The following EEFSEC variants were observed in gnomAD, a reference collection of about 807,000 sequenced individuals.
EEFSEC encodes the protein eukaryotic elongation factor, selenocysteine-tRNA specific, also known as selenocysteine-specific elongation factor.
In EEFSEC, 43 loss-of-function variants were observed where a neutral mutation model predicts 42.1. That is an observed-to-expected ratio of 1.02 (90% confidence interval 0.80 to 1.32). The LOEUF (loss-of-function observed/expected upper bound fraction) is 1.32. Ranked by LOEUF, EEFSEC falls within the 40% of genes most tolerant of loss-of-function variation. EEFSEC has a pLI of 0.00. For synonymous variants in EEFSEC, 354 were observed against 339.1 expected, an observed-to-expected ratio of 1.04 and a Z score of -0.48; for missense variants, 745 against 803.6, an observed-to-expected ratio of 0.93 and a Z score of 0.88.
intron 1 of EEFSEC, among the ~76,000 whole-genome samples, chr3:128,162,770 G>A (rs2955117): frequency 0.31 from 46,473 of 152,000 alleles, 7,333 homozygotes; most frequent in South Asian, 0.37. Flanking sequence ...TTTTGTAGTC[G>A]TGCTAGGAAT....
Position 128,309,437 on chromosome 3 carries a change from A to C in EEFSEC, c.787-31796A>C, listed in dbSNP as rs533473471. 2.1e-4 allele frequency among the ~76,000 whole-genome samples: 32 copies of C among 152,246 alleles called. 1 individual carries two copies. The highest frequency in any genetic ancestry group is 7.5e-4 in the African/African-American group (31 of 41,558). ...AGCGCACAGAGGCTAGAGAGAAGAG[A>C]GAGGCCCCTGCTGCTGTCTGCTGAA... On this transcript the variant is annotated intron_variant, in intron 4 of 6. Transcript: ENST00000254730.
intron 6 of EEFSEC, among the ~76,000 whole-genome samples, chr3:128,394,143 G>A (rs1331739434): frequency 6.6e-6 from 1 of 152,200 alleles, no homozygotes; most frequent in Non-Finnish European, 1.5e-5. Flanking sequence ...ACAGACACAG[G>A]GTGCCAGGCC....
chr3:128,247,289 G>T (rs1433024510), intron 2 of EEFSEC, among the ~76,000 whole-genome samples: 2 of 152,242 alleles, frequency 1.3e-5, no homozygotes, highest in African/African-American at 2.4e-5. Context: ...AAGCCCTTCT[G>T]TGTCTCAGCT....
intron 1 of EEFSEC, among the ~76,000 whole-genome samples, chr3:128,245,214 A>T (rs538834895): frequency 7.2e-5 from 11 of 152,230 alleles, no homozygotes; most frequent in Admixed American, 6.5e-4. Context: ...ACTAGCCAAC[A>T]TGAGCCTGCC....
At chr3:128,245,483 G>A (rs2066117712) in intron 1 of EEFSEC, among the ~76,000 whole-genome samples, 1 of 152,188 alleles carries the variant, frequency 6.6e-6, no homozygotes, top group Admixed American at 6.5e-5. Flanking sequence ...GCCCCAGCTG[G>A]CAGGATGAGG....
chr3:128,197,059 TG>T (rs768498893), intron 1 of EEFSEC, among the ~76,000 whole-genome samples: 55 of 152,258 alleles, frequency 3.6e-4, no homozygotes, highest in Admixed American at 2.0e-4. Flanking sequence ...CTCTTTGTTC[TG>T]TGTACTTTTG....
At chr3:128,246,800 C>T (rs768932776) in intron 1 of EEFSEC, 36 bp from the exon 2 acceptor site, 3 of 1,609,882 alleles carry the variant, frequency 1.9e-6, no homozygotes, top group East Asian at 4.5e-5. Context: ...CTCACCACCC[C>T]TTTTCCCTTT....
At chr3:128,158,587 G>A (rs546014052) in intron 1 of EEFSEC, among the ~76,000 whole-genome samples, 1 of 152,204 alleles carries the variant, frequency 6.6e-6, no homozygotes, top group Non-Finnish European at 1.5e-5. Context: ...ACTTGCTGAA[G>A]GTTCAGTAAT....
intron 6 of EEFSEC, among the ~76,000 whole-genome samples, chr3:128,366,895 T>A (rs1295181756): frequency 6.6e-6 from 1 of 152,188 alleles, no homozygotes; most frequent in Non-Finnish European, 1.5e-5. Flanking sequence ...CAACTCGGGC[T>A]ATCATAACAG....
chr3:128,296,167 G>C (rs1409039369), intron 4 of EEFSEC, among the ~76,000 whole-genome samples: 1 of 152,158 alleles, frequency 6.6e-6, no homozygotes, highest in Non-Finnish European at 1.5e-5. Flanking sequence ...TCATCATCCT[G>C]AGCCCACACT....
intron 1 of EEFSEC, among the ~76,000 whole-genome samples, chr3:128,156,046 C>T (rs967259240): frequency 6.6e-6 from 1 of 152,112 alleles, no homozygotes; most frequent in Non-Finnish European, 1.5e-5. Context: ...AGGTGGAAGG[C>T]AGAGGTTAAA....
chr3:128,188,958 G>A (rs1023713293), intron 1 of EEFSEC, among the ~76,000 whole-genome samples: 2 of 152,218 alleles, frequency 1.3e-5, no homozygotes, highest in East Asian at 1.9e-4. Flanking sequence ...TTGTGAGTCT[G>A]TAGGGGAGTT....
At chr3:128,259,205 A>G (rs541011769) in intron 2 of EEFSEC, among the ~76,000 whole-genome samples, 21 of 152,302 alleles carry the variant, frequency 1.4e-4, no homozygotes, top group African/African-American at 4.8e-4. Flanking sequence ...TAGACTATAT[A>G]CAGAGAAGCA....
chr3:128,182,047 A>T (rs1459423089), intron 1 of EEFSEC, among the ~76,000 whole-genome samples: 1 of 152,158 alleles, frequency 6.6e-6, no homozygotes, highest in Non-Finnish European at 1.5e-5. Context: ...TCCTGCCCTC[A>T]AGTGATCCGC....
At chr3:128,354,693 C>A (rs1271732897) in intron 5 of EEFSEC, among the ~76,000 whole-genome samples, 1 of 152,192 alleles carries the variant, frequency 6.6e-6, no homozygotes, top group Admixed American at 6.5e-5. Context: ...CATTGCAAGA[C>A]CCTGGCTTGG....
chr3:128,358,503 T>C (rs934109137), intron 6 of EEFSEC, 130 bp downstream of exon 6: 100 of 1,311,818 alleles, frequency 7.6e-5, no homozygotes, highest in Non-Finnish European at 1.0e-4. Flanking sequence ...CGGGGTGACT[T>C]GGCCTGCCTG....
In EEFSEC at chr3:128,153,701, G is replaced by C. The variant is rs763092386; in HGVS notation, c.194G>C (p.Arg65Pro). The change falls in exon 1 of 7, where the codon CGG (arginine) becomes CCG (proline). Residue 65 changes from arginine (R) to proline (P), a missense_variant. Transcript: ENST00000254730. Reference sequence around the variant, plus strand: ...TCGGTGCCGCTGCCCGCGCGCCTGCGGTCGTCTTTGCCCGAGTTCCAGGCA... The same window carrying C: ...TCGGTGCCGCTGCCCGCGCGCCTGCCGTCGTCTTTGCCCGAGTTCCAGGCA... Reference protein sequence around the residue: ...CFSVPLPARLRSSLPEFQAAP... With the variant: ...CFSVPLPARLPSSLPEFQAAP... 20 of 1,588,348 alleles carry C rather than the reference G, an allele frequency of 1.3e-5. No individual in the cohort carries two copies. The highest frequency in any genetic ancestry group is 1.2e-5 in the Non-Finnish European group (14 of 1,175,438).
At chr3:128,252,849 C>G (rs1446455578) in intron 2 of EEFSEC, among the ~76,000 whole-genome samples, 3 of 152,168 alleles carry the variant, frequency 2.0e-5, no homozygotes, top group Non-Finnish European at 4.4e-5. Flanking sequence ...CTGGAGGAGA[C>G]AGTGGGATGG....
At chr3:128,300,373 G>T (rs769769030) in intron 4 of EEFSEC, among the ~76,000 whole-genome samples, 8 of 152,144 alleles carry the variant, frequency 5.3e-5, no homozygotes, top group Non-Finnish European at 8.8e-5. Context: ...GGAGGCTGAG[G>T]TGGGTGGATC....
Sources: allele counts gnomAD v4.1 joint callset (sites outside exome capture counted in the v4.1 genomes callset), GRCh38; gene constraint gnomAD v4.1.1; transcripts MANE v1.5; gene names NCBI Gene and HGNC (gene_info 2026-07-23, HGNC 2026-07-21).